VPS13A: variants seen among roughly 807,000 people sequenced by gnomAD.
The protein encoded by VPS13A is intermembrane lipid transfer protein VPS13A.
A neutral mutation model predicts 390.9 loss-of-function variants in VPS13A; 264 were observed. The ratio of observed to expected loss-of-function variants is 0.68; its 90% confidence interval spans 0.61 to 0.75. The LOEUF (loss-of-function observed/expected upper bound fraction) is 0.75, where lower values mean the gene tolerates loss of function less well. Among genes scored for constraint, VPS13A ranks in the 30% least tolerant of loss-of-function variants. The pLI, the probability that VPS13A is intolerant of heterozygous loss-of-function variation, is 0.00. For synonymous variants in VPS13A, 1,231 were observed against 1,227.1 expected (o/e 1.00, Z -0.07); for missense variants, 3,409 against 3,733.9 (o/e 0.91, Z 2.27).
intron 40 of VPS13A, among the ~76,000 whole-genome samples, chr9:77,317,963 TTAA>T (rs1291958182): frequency 6.6e-6 from 1 of 151,856 alleles, no homozygotes; most frequent in Non-Finnish European, 1.5e-5. Flanking sequence ...CTTCATCAGT[TTAA>T]TAATATCTGC....
chr9:77,304,933 A>ACTTTTTTT (rs765175283), intron 34 of VPS13A, among the ~76,000 whole-genome samples: 5 of 148,514 alleles, frequency 3.4e-5, no homozygotes, highest in African/African-American at 9.9e-5. Context: ...GAGATTTCAG[A>ACTTTTTTT]CTTTTTTTCT....
chr9:77,252,152 A>G, intron 21 of VPS13A, 83 bp from the exon 22 acceptor site: 1 of 1,097,802 alleles, frequency 9.1e-7, no homozygotes, highest in South Asian at 1.2e-5. Flanking sequence ...ATATAATGGA[A>G]TGTGTGACTA....
intron 67 of VPS13A, among the ~76,000 whole-genome samples, chr9:77,372,257 C>G (rs1186530114): frequency 1.3e-5 from 2 of 151,750 alleles, no homozygotes; most frequent in Non-Finnish European, 2.9e-5. Context: ...AACTAGTTTA[C>G]AGTCCCACCA....
At chr9:77,296,328 A>T in intron 33 of VPS13A, among the ~76,000 whole-genome samples, 1 of 152,148 alleles carries the variant, frequency 6.6e-6, no homozygotes, top group East Asian at 1.9e-4. Flanking sequence ...CGGATAACCA[A>T]ATGTTCAAAT....
At chr9:77,347,123 C>G (rs76316114) in intron 52 of VPS13A, among the ~76,000 whole-genome samples, 1,907 of 152,156 alleles carry the variant, frequency 0.013, 40 homozygotes, top group African/African-American at 0.044. Context: ...TAACGTGATG[C>G]CCCCAGGTTT....
chr9:77,357,013 G>A, intron 55 of VPS13A, 146 bp downstream of exon 55: 2 of 955,522 alleles, frequency 2.1e-6, no homozygotes, highest in Non-Finnish European at 3.1e-6. Flanking sequence ...GTTTTAAAGA[G>A]GTGTTTATCT....
In VPS13A at chr9:77,307,935, T is replaced by TC; in HGVS notation, c.3961-10_3961-9insC. On this transcript the variant is annotated splice_polypyrimidine_tract_variant and intron_variant, in intron 34 of 71. Transcript: ENST00000360280. ...AGTGCTAAAAAGAACAAATCTTTTT[T>TC]TTTTAACAGTTCATTCTTAGTCAAG... The TC allele has an allele frequency of 6.3e-7, 1 of 1,576,330 alleles. No homozygotes were observed. The highest frequency in any genetic ancestry group is 8.7e-7 in the Non-Finnish European group (1 of 1,146,892).
At chr9:77,304,473 G>T (rs1357781353) in intron 34 of VPS13A, among the ~76,000 whole-genome samples, 1 of 152,044 alleles carries the variant, frequency 6.6e-6, no homozygotes, top group Non-Finnish European at 1.5e-5. Flanking sequence ...CAAATAATAG[G>T]CATGGTGCTG....
At chr9:77,399,192 A>C (rs866736126) in intron 68 of VPS13A, among the ~76,000 whole-genome samples, 31 of 141,842 alleles carry the variant, frequency 2.2e-4, no homozygotes, top group African/African-American at 5.9e-4. Context: ...AAAAAAAAAA[A>C]AAAAAAAAAA....
chr9:77,181,206 A>G (rs1027486330), intron 1 of VPS13A, among the ~76,000 whole-genome samples: 1 of 152,018 alleles, frequency 6.6e-6, no homozygotes, highest in Non-Finnish European at 1.5e-5. Flanking sequence ...TTTTTTAAAA[A>G]CATTGTTTGA....
intron 19 of VPS13A, among the ~76,000 whole-genome samples, chr9:77,238,874 A>G (rs1824302245): frequency 6.6e-6 from 1 of 152,140 alleles, no homozygotes; most frequent in Non-Finnish European, 1.5e-5. Context: ...CTTTTTAATT[A>G]AATAGTTGAC....
rs896896071 is a variant in VPS13A at position 77,420,424 on chromosome 9, T to A, written c.*4418T>A. On this transcript the variant is annotated 3_prime_UTR_variant, in exon 72 of 72. Coordinates refer to ENST00000360280, the MANE Select transcript of VPS13A (RefSeq NM_033305.3). ...AAATTTTTCCATGTCATTTAAAAAA[T>A]TTTTTACTTTAGAATTACAGATTAG... 2 of 152,256 alleles carry A rather than the reference T, an allele frequency of 1.3e-5. No individual in the cohort carries two copies. The highest frequency in any genetic ancestry group is 2.9e-5 in the Non-Finnish European group (2 of 68,014). 9.4% of individuals were successfully genotyped at this position (152,256 alleles called of 1,614,324 possible). A position where few individuals can be genotyped will look rare whatever the true frequency, so the allele number is the denominator to read the frequency against.
chr9:77,289,755 G>A (rs538171396), intron 31 of VPS13A, among the ~76,000 whole-genome samples: 8 of 149,984 alleles, frequency 5.3e-5, no homozygotes, highest in South Asian at 4.3e-4. Flanking sequence ...TCTATTGTTT[G>A]TATTTCTCTC....
At chr9:77,200,932 A>G (rs1825296900) in intron 2 of VPS13A, among the ~76,000 whole-genome samples, 1 of 152,178 alleles carries the variant, frequency 6.6e-6, no homozygotes, top group Non-Finnish European at 1.5e-5. Context: ...TAGTTTTCCT[A>G]GCACCATTTA....
intron 22 of VPS13A, among the ~76,000 whole-genome samples, chr9:77,253,676 TCTCA>T (rs1171601310): frequency 1.3e-5 from 2 of 152,214 alleles, no homozygotes; most frequent in African/African-American, 2.4e-5. Context: ...AAATATTTTT[TCTCA>T]CTCTGTGTTT....
chr9:77,260,033 C>G lies in VPS13A; in HGVS notation c.2289-53C>G. 2 of 1,208,536 alleles carry G rather than the reference C, an allele frequency of 1.7e-6. 1 individual carries two copies. 74.9% of individuals were successfully genotyped at this position (1,208,536 alleles called of 1,614,324 possible). A position where few individuals can be genotyped will look rare whatever the true frequency, so the allele number is the denominator to read the frequency against. On this transcript the variant is annotated intron_variant, in intron 22 of 71. Transcript: ENST00000360280. ...GAGAACAGTCTTTTTAATTAGTGCA[C>G]TTAAATCAGAATAATTCCTTTATAA...
chr9:77,192,883 A>G lies in VPS13A; in HGVS notation c.101-7062A>G, dbSNP rs78558844. On this transcript the variant is annotated intron_variant, in intron 1 of 71. Transcript: ENST00000360280. ...ATGAATTTCCTGAATTTGCATGTCA[A>G]CCTCTCTAGCTAGGATGGGGAAATT... is the stretch of plus-strand genomic sequence containing the variant. 1.3e-3 allele frequency among the ~76,000 whole-genome samples: 198 copies of G among 151,814 alleles called. 3 individuals carry two copies. The East Asian group carries it at 0.035, about 27-fold the overall frequency.
intron 44 of VPS13A, 98 bp from the exon 45 acceptor site, chr9:77,322,969 A>T: frequency 2.1e-6 from 2 of 967,720 alleles, no homozygotes. Context: ...ATTATTTATA[A>T]GTTTAAGAAT....
At chr9:77,250,729 A>G (rs962257311) in intron 21 of VPS13A, among the ~76,000 whole-genome samples, 4 of 152,168 alleles carry the variant, frequency 2.6e-5, no homozygotes, top group African/African-American at 9.7e-5. Flanking sequence ...GACGAGGGTC[A>G]CTCTCCTAGA....
Sources: allele counts gnomAD v4.1 joint callset (sites outside exome capture counted in the v4.1 genomes callset), GRCh38; gene constraint gnomAD v4.1.1; transcripts MANE v1.5; gene names NCBI Gene and HGNC (gene_info 2026-07-23, HGNC 2026-07-21).